Variants in PCDHA10 observed in about 807,000 individuals in gnomAD.
PCDHA10 encodes the protein protocadherin alpha 10.
A neutral mutation model predicts 61.2 loss-of-function variants in PCDHA10; 45 were observed. The ratio of observed to expected loss-of-function variants is 0.74; its 90% CI spans 0.58 to 0.94. PCDHA10 has a LOEUF of 0.94. Ranked by LOEUF, PCDHA10 falls within the 40% of genes least tolerant of loss-of-function variation. The probability of loss-of-function intolerance (pLI) is 0.00; values close to 1 mark genes in which losing one functional copy is unlikely to be tolerated. For missense variants in PCDHA10, 1,278 were observed against 1,236.2 expected (o/e 1.03, Z -0.51); for synonymous variants, 602 against 548.8 (o/e 1.10, Z -1.35).
intron 3 of PCDHA10, among the ~76,000 whole-genome samples, chr5:140,990,637 C>A (rs2097404568): frequency 6.6e-6 from 1 of 152,154 alleles, no homozygotes; most frequent in South Asian, 2.1e-4. Flanking sequence ...AGACTAGAAG[C>A]CTCAGCCAGT....
chr5:140,877,380 C>A, intron 1 of PCDHA10: 1 of 1,613,980 alleles, frequency 6.2e-7, no homozygotes, highest in Non-Finnish European at 8.5e-7. Context: ...CGACACGCAT[C>A]CTGGATGAGG....
chr5:140,993,293 A>T (rs1445204823), intron 3 of PCDHA10, among the ~76,000 whole-genome samples: 1 of 152,062 alleles, frequency 6.6e-6, no homozygotes, highest in Non-Finnish European at 1.5e-5. Context: ...CAGGGTCACA[A>T]CCTTGCCTCC....
chr5:140,877,173 G>A (rs1292615979), intron 1 of PCDHA10: 3 of 1,613,710 alleles, frequency 1.9e-6, no homozygotes, highest in Non-Finnish European at 2.5e-6. Flanking sequence ...CACTGCTGGC[G>A]ACTCCGGCTG....
intron 1 of PCDHA10, among the ~76,000 whole-genome samples, chr5:140,911,118 G>A (rs11955654): frequency 0.019 from 2,929 of 152,274 alleles, 39 homozygotes; most frequent in East Asian, 0.055. Flanking sequence ...AGCCATCACT[G>A]TTGCCTCAGG....
intron 1 of PCDHA10, among the ~76,000 whole-genome samples, chr5:140,941,906 GC>G: frequency 6.6e-6 from 1 of 152,248 alleles, no homozygotes; most frequent in South Asian, 2.1e-4. Context: ...ACATTGAAAT[GC>G]TTTTATGTAT....
chr5:140,898,407 C>T (rs556061781), intron 1 of PCDHA10, among the ~76,000 whole-genome samples: 90 of 152,094 alleles, frequency 5.9e-4, no homozygotes, highest in Middle Eastern at 3.4e-3. Flanking sequence ...TTTCTACATA[C>T]GGCTAGCCAG....
intron 3 of PCDHA10, among the ~76,000 whole-genome samples, chr5:141,000,399 A>ATT (rs2097917152): frequency 1.5e-5 from 1 of 66,842 alleles, no homozygotes; most frequent in Non-Finnish European, 2.7e-5. Context: ...CTCTCTCTAT[A>ATT]TATATATATA....
chr5:140,994,412 G>C (rs1412198813), intron 3 of PCDHA10, among the ~76,000 whole-genome samples: 1 of 152,068 alleles, frequency 6.6e-6, no homozygotes, highest in Non-Finnish European at 1.5e-5. Flanking sequence ...ATTTAATACT[G>C]GATATTGAGG....
At chr5:140,887,396 C>T (rs2153420229) in intron 1 of PCDHA10, among the ~76,000 whole-genome samples, 1 of 152,174 alleles carries the variant, frequency 6.6e-6, no homozygotes, top group Non-Finnish European at 1.5e-5. Flanking sequence ...GCGCCCGGCT[C>T]TTTATCTCAT....
intron 3 of PCDHA10, among the ~76,000 whole-genome samples, chr5:141,005,018 T>G (rs2098193299): frequency 6.6e-6 from 1 of 152,250 alleles, no homozygotes; most frequent in Non-Finnish European, 1.5e-5. Context: ...AGCTGCATTA[T>G]ATATAATTGC....
At chr5:140,880,420 A>C (rs1554171279) in intron 1 of PCDHA10, among the ~76,000 whole-genome samples, 2 of 152,230 alleles carry the variant, frequency 1.3e-5, no homozygotes, top group Non-Finnish European at 2.9e-5. Context: ...TAAAAGCGGG[A>C]ACAGTTTTTC....
chr5:140,883,852 G>A (rs1554180292), intron 1 of PCDHA10: 1 of 1,612,972 alleles, frequency 6.2e-7, no homozygotes. Flanking sequence ...ACGAGGAGCT[G>A]GAGCTGTTGC....
chr5:140,959,116 G>A (rs2095468018), intron 1 of PCDHA10, among the ~76,000 whole-genome samples: 1 of 152,002 alleles, frequency 6.6e-6, no homozygotes, highest in South Asian at 2.1e-4. Context: ...TCCGAAGGTG[G>A]GCGAGGTGAG....
At position 140,877,386 on chromosome 5, in the gene PCDHA10, T is replaced by G. The variant is rs782310487; in HGVS notation, c.2388+18950T>G. 5 of 1,613,816 alleles carry G rather than the reference T, an allele frequency of 3.1e-6. No individual in the cohort carries two copies. In the African/African-American group the frequency reaches 6.7e-5, roughly 22 times the overall value. On this transcript the variant is annotated intron_variant, in intron 1 of 3. Coordinates refer to ENST00000307360, the MANE Select transcript of PCDHA10 (RefSeq NM_018901.4). ...AGATCAGCACGACACGCATCCTGGA[T>G]GAGGCGGACGCTCCGCGCCACCGCC... is the stretch of plus-strand genomic sequence containing the variant.
chr5:140,938,945 T>C (rs1390189208), intron 1 of PCDHA10, among the ~76,000 whole-genome samples: 8 of 152,154 alleles, frequency 5.3e-5, no homozygotes, highest in African/African-American at 1.9e-4. Flanking sequence ...TCCATTCTTA[T>C]AATGCTCTAG....
chr5:140,975,358 A>T (rs1212652611), intron 1 of PCDHA10, among the ~76,000 whole-genome samples: 1 of 152,258 alleles, frequency 6.6e-6, no homozygotes, highest in East Asian at 1.9e-4. Flanking sequence ...CAACTGTGCT[A>T]CATAGCATAA....
intron 1 of PCDHA10, chr5:140,969,141 G>A: frequency 6.2e-7 from 1 of 1,614,158 alleles, no homozygotes; most frequent in South Asian, 1.1e-5. Flanking sequence ...AAGACCTACT[G>A]CTACAAGGCC....
At chr5:140,949,474 G>T (rs2094384891) in intron 1 of PCDHA10, among the ~76,000 whole-genome samples, 1 of 151,524 alleles carries the variant, frequency 6.6e-6, no homozygotes, top group Admixed American at 6.6e-5. Flanking sequence ...CTGTTATTAG[G>T]CACACACATT....
chr5:140,974,744 T>A (rs966437450), intron 1 of PCDHA10, among the ~76,000 whole-genome samples: 11 of 152,144 alleles, frequency 7.2e-5, no homozygotes, highest in African/African-American at 2.4e-4. Context: ...CACCTTGGCC[T>A]CCCAAAGTGC....
Sources: gnomAD v4.1 joint callset for allele counts (sites outside exome capture counted in the v4.1 genomes callset) on GRCh38, gnomAD v4.1.1 for gene constraint, MANE v1.5 for transcripts, NCBI Gene and HGNC (gene_info 2026-07-23, HGNC 2026-07-21) for gene names.